Variants in LOXHD1 observed in about 807,000 individuals in gnomAD.
LOXHD1 encodes the protein lipoxygenase homology domain-containing protein 1.
A neutral mutation model predicts 248.2 loss-of-function variants in LOXHD1; 205 were observed. That is an observed-to-expected ratio of 0.83 (90% CI 0.74 to 0.93). The LOEUF (loss-of-function observed/expected upper bound fraction) is 0.93. Among genes scored for constraint, LOXHD1 ranks in the 40% least tolerant of loss-of-function variants. LOXHD1 has a pLI of 0.00. For synonymous variants in LOXHD1, 1,113 were observed against 1,162.8 expected, an observed-to-expected ratio of 0.96 and a Z score of 0.87; for missense variants, 2,930 against 2,971.6, an observed-to-expected ratio of 0.99 and a Z score of 0.33.
At chr18:46,632,118 G>A (rs754492579) in intron 4 of LOXHD1, among the ~76,000 whole-genome samples, 3 of 152,196 alleles carry the variant, frequency 2.0e-5, no homozygotes, top group African/African-American at 7.2e-5. Context: ...GCAACGTGGG[G>A]ATAATAATAG....
At position 46,521,178 on chromosome 18, in the gene LOXHD1, C is replaced by T; in HGVS notation, c.5190G>A (p.Trp1730Ter). 2 of 1,551,758 alleles carry T rather than the reference C, an allele frequency of 1.3e-6. No homozygotes were observed. Among genetic ancestry groups the T allele is most frequent in the Non-Finnish European group, 8.7e-7 (1 of 1,147,022 alleles). Residue 1730 changes from tryptophan (W) to a stop codon, truncating the protein, a stop_gained, in exon 33 of 41, where the codon TGG (tryptophan) becomes TGA (stop). Coordinates refer to ENST00000642948, the MANE Select transcript of LOXHD1 (RefSeq NM_001384474.1). LOFTEE classifies it high-confidence loss of function. ...GTKYMLNCNC[W>*]LAKDRGDGIT... ...TGCCGTCGCCTCTGTCCTTGGCCAGCCAGCAGTTACAGTTCAACATGTACT... is the reference window on the plus strand; with the variant it reads ...TGCCGTCGCCTCTGTCCTTGGCCAGTCAGCAGTTACAGTTCAACATGTACT...
intron 6 of LOXHD1, among the ~76,000 whole-genome samples, chr18:46,604,926 T>C (rs1198537990): frequency 3.3e-5 from 5 of 152,248 alleles, no homozygotes; most frequent in African/African-American, 9.6e-5. Flanking sequence ...CATAATACAA[T>C]ATGGGCAGAG....
At chr18:46,498,109 G>C (rs1843926116) in intron 37 of LOXHD1, among the ~76,000 whole-genome samples, 1 of 152,166 alleles carries the variant, frequency 6.6e-6, no homozygotes, top group Non-Finnish European at 1.5e-5. Flanking sequence ...CAGGGCTGTG[G>C]AGACCCCAGT....
intron 12 of LOXHD1, among the ~76,000 whole-genome samples, chr18:46,582,481 A>G (rs996712409): frequency 1.3e-5 from 2 of 152,224 alleles, no homozygotes; most frequent in Non-Finnish European, 2.9e-5. Flanking sequence ...AAAGCAGTAA[A>G]GAAAGCAGTA....
At chr18:46,564,111 T>C (rs576410217) in intron 17 of LOXHD1, among the ~76,000 whole-genome samples, 57 of 151,370 alleles carry the variant, frequency 3.8e-4, no homozygotes, top group Non-Finnish European at 2.1e-4. Context: ...TGTGTGTGTG[T>C]GTGTGTGCAC....
intron 8 of LOXHD1, 74 bp from the exon 9 acceptor site, chr18:46,594,540 C>T: frequency 6.6e-7 from 1 of 1,512,064 alleles, no homozygotes; most frequent in Non-Finnish European, 9.0e-7. Context: ...TCAGCAGGCT[C>T]CCAGCCCCAC....
chr18:46,575,179 A>C (rs1205202486), intron 14 of LOXHD1, among the ~76,000 whole-genome samples: 1 of 151,588 alleles, frequency 6.6e-6, no homozygotes, highest in African/African-American at 2.4e-5. Flanking sequence ...CCATTTCAGT[A>C]AAGGGCATGA....
Position 46,656,942 on chromosome 18 carries a change from T to C in LOXHD1, c.92A>G (p.Asp31Gly), listed in dbSNP as rs763589830. 6.4e-7 allele frequency: 1 copy of C among 1,551,536 alleles called. No individual in the cohort carries two copies. Among genetic ancestry groups the C allele is most frequent in the South Asian group, 1.2e-5 (1 of 84,058 alleles). ...GTACTCGTGTTCCAGCTCCCCCTCG[T>C]CGTCCTCCGAGGCGTAGTTCAGCAG... Reference protein sequence around the residue: ...AELLNYASEDDEGELEHEYYK... With the variant: ...AELLNYASEDGEGELEHEYYK... Residue 31 changes from aspartate (D) to glycine (G), a missense_variant, in exon 1 of 41, where the codon GAC (aspartate) becomes GGC (glycine). Physicochemically the swap from Asp to Gly is moderately conservative, Grantham distance 94 (BLOSUM62 -1). Coordinates refer to ENST00000642948, the MANE Select transcript of LOXHD1 (RefSeq NM_001384474.1).
intron 2 of LOXHD1, among the ~76,000 whole-genome samples, chr18:46,643,361 G>A (rs1056643950): frequency 2.0e-5 from 3 of 152,168 alleles, no homozygotes; most frequent in Non-Finnish European, 4.4e-5. Flanking sequence ...AGTGCCCAGA[G>A]TTTCTACTCC....
intron 37 of LOXHD1, among the ~76,000 whole-genome samples, chr18:46,496,970 T>A (rs1346860659): frequency 6.6e-6 from 1 of 152,198 alleles, no homozygotes; most frequent in Non-Finnish European, 1.5e-5. Context: ...CCCACTGCAC[T>A]CCAGCCTGGG....
rs1444847207 is a variant in LOXHD1 at position 46,592,037 on chromosome 18, T to C, written c.1550A>G (p.Lys517Arg). Residue 517 changes from lysine (K) to arginine (R), a missense_variant, in exon 12 of 41, where the codon AAG becomes AGG. Physicochemically the swap from Lys to Arg is conservative, Grantham distance 26. Coordinates refer to ENST00000642948, the MANE Select transcript of LOXHD1 (RefSeq NM_001384474.1). ...MTLMNTLNKD[K>R]YNFNCNRWLD... ...CCAGCGGTTGCAATTGAAGTTGTAC[T>C]TGTCTTTGTTCAGAGTGTTCATCAG... The C allele has an allele frequency of 1.8e-5, 28 of 1,552,194 alleles. No individual in the cohort carries two copies. The highest frequency in any genetic ancestry group is 2.4e-5 in the Non-Finnish European group (28 of 1,147,104).
chr18:46,538,926 T>C (rs556348236), intron 25 of LOXHD1, among the ~76,000 whole-genome samples: 1 of 152,278 alleles, frequency 6.6e-6, no homozygotes, highest in African/African-American at 2.4e-5. Context: ...CAGCCCCTCA[T>C]TCAGGTTCCG....
intron 12 of LOXHD1, 123 bp from the exon 13 acceptor site, chr18:46,579,907 C>G: frequency 8.8e-7 from 1 of 1,131,464 alleles, no homozygotes; most frequent in Non-Finnish European, 1.2e-6. Flanking sequence ...GGCTGACCTT[C>G]CCCCTTCCTC....
In LOXHD1 at chr18:46,657,097, A is replaced by G; in HGVS notation, c.-64T>C. On this transcript the variant is annotated 5_prime_UTR_variant, in exon 1 of 41. Coordinates refer to ENST00000642948, the MANE Select transcript of LOXHD1 (RefSeq NM_001384474.1). ...GTGCCGCCTCCTCACACCTGCGGGA[A>G]CCTGAGACCTCCTCCCTGAGCTCTG... 1.9e-6 allele frequency: 3 copies of G among 1,549,944 alleles called. No homozygotes were observed. Among genetic ancestry groups the G allele is most frequent in the South Asian group, 1.2e-5 (1 of 83,912 alleles).
chr18:46,572,222 T>C, intron 14 of LOXHD1, 60 bp from the exon 15 acceptor site: 1 of 1,428,750 alleles, frequency 7.0e-7, no homozygotes, highest in Non-Finnish European at 9.7e-7. Flanking sequence ...AATCAAAGCT[T>C]CACCCATTCA....
intron 36 of LOXHD1, among the ~76,000 whole-genome samples, chr18:46,506,517 A>C (rs1016948682): frequency 2.6e-5 from 4 of 152,232 alleles, no homozygotes; most frequent in Admixed American, 2.6e-4. Flanking sequence ...TGCTTCTGGA[A>C]GGGGTGACCC....
chr18:46,551,755 T>C (rs1270854278), intron 21 of LOXHD1, among the ~76,000 whole-genome samples: 5 of 152,160 alleles, frequency 3.3e-5, no homozygotes, highest in Non-Finnish European at 7.3e-5. Flanking sequence ...ACCAAAGGGA[T>C]GTGAGGCTGT....
chr18:46,603,401 T>C (rs2038368035), intron 7 of LOXHD1, among the ~76,000 whole-genome samples: 3 of 151,900 alleles, frequency 2.0e-5, no homozygotes, highest in Admixed American at 6.6e-5. Context: ...TGGAGCCAAA[T>C]TGGGGAGAAA....
At chr18:46,534,702 C>A (rs1211839587) in intron 26 of LOXHD1, among the ~76,000 whole-genome samples, 2 of 152,180 alleles carry the variant, frequency 1.3e-5, no homozygotes, top group Admixed American at 6.5e-5. Flanking sequence ...GGGAGGGGGA[C>A]CCCTCTTCAG....
Sources: allele counts gnomAD v4.1 joint callset (sites outside exome capture counted in the v4.1 genomes callset), GRCh38; gene constraint gnomAD v4.1.1; transcripts MANE v1.5; gene names NCBI Gene and HGNC (gene_info 2026-07-23, HGNC 2026-07-21).